Variants in SLC25A28 observed in about 807,000 individuals in gnomAD.
SLC25A28 encodes solute carrier family 25 member 28, also known as mitoferrin-2.
SLC25A28 carries 10 observed loss-of-function variants against 31.9 expected under a neutral mutation model. The ratio of observed to expected loss-of-function variants is 0.31; its 90% CI spans 0.19 to 0.53. The LOEUF is 0.53. Ranked by LOEUF, SLC25A28 falls within the 20% of genes least tolerant of loss-of-function variation. The pLI is 0.95. For missense variants in SLC25A28, 256 were observed against 490.3 expected (o/e 0.52, Z 4.51); for synonymous variants, 208 against 203.6 (o/e 1.02, Z -0.19).
At chr10:99,627,802 G>A in the SLC25A28 span, among the ~76,000 whole-genome samples, 1 of 152,022 alleles carries the variant, frequency 6.6e-6, no homozygotes, top group African/African-American at 2.4e-5. Flanking sequence ...ACCCTATTTT[G>A]CTATCAAACA....
chr10:99,643,216 G>A, the SLC25A28 span, among the ~76,000 whole-genome samples: 1 of 152,054 alleles, frequency 6.6e-6, no homozygotes, highest in Admixed American at 6.6e-5. Flanking sequence ...TTGGTTGGTA[G>A]GCTATTAATT....
intron 1 of SLC25A28, among the ~76,000 whole-genome samples, chr10:99,614,272 T>C (rs2034597673): frequency 6.6e-6 from 1 of 152,230 alleles, no homozygotes; most frequent in African/African-American, 2.4e-5. Flanking sequence ...CTGACAGTTC[T>C]TTACAAATGG....
At chr10:99,644,325 CTTCT>C in the SLC25A28 span, among the ~76,000 whole-genome samples, 13 of 148,758 alleles carry the variant, frequency 8.7e-5, no homozygotes, top group African/African-American at 3.2e-4. Flanking sequence ...ATGTAATGGC[CTTCT>C]TTGTCTCTTT....
chr10:99,658,188 GGTAATTAAGTAA>G, the SLC25A28 span, among the ~76,000 whole-genome samples: 1 of 152,112 alleles, frequency 6.6e-6, no homozygotes, highest in Non-Finnish European at 1.5e-5. Context: ...AGACCCTGTA[GGTAATTAAGTAA>G]GTAAGTAGTT....
upstream of SLC25A28, among the ~76,000 whole-genome samples, chr10:99,624,750 A>G (rs1383750660): frequency 2.0e-5 from 3 of 152,072 alleles, no homozygotes; most frequent in Non-Finnish European, 4.4e-5. Context: ...TGGGAGAATC[A>G]CTTGAACCCG....
At chr10:99,633,106 T>C in the SLC25A28 span, among the ~76,000 whole-genome samples, 2 of 152,126 alleles carry the variant, frequency 1.3e-5, no homozygotes, top group Admixed American at 6.5e-5. Flanking sequence ...TAGCCAGTTA[T>C]GAAGGCAGCA....
chr10:99,624,525 C>G (rs997544196), upstream of SLC25A28, among the ~76,000 whole-genome samples: 1 of 152,250 alleles, frequency 6.6e-6, no homozygotes, highest in African/African-American at 2.4e-5. Context: ...CAGCACTAAA[C>G]CTGCCTAAAA....
upstream of SLC25A28, chr10:99,620,545 G>A (rs1421576349): frequency 6.8e-6 from 7 of 1,030,342 alleles, no homozygotes; most frequent in Non-Finnish European, 8.1e-6. Flanking sequence ...AAAATCAGCC[G>A]GTAGTATTAG....
Position 99,613,766 on chromosome 10 carries a change from G to A in SLC25A28, c.450C>T (p.Ala150=), listed in dbSNP as rs1458666231. The change falls in exon 2 of 4, where the codon GCC becomes GCT. Residue 150 remains alanine, a synonymous_variant. Transcript: ENST00000370495. The surrounding 1 kb of genome is among the most constrained non-coding windows in gnomAD (Gnocchi z 4.9). Reference sequence around the variant, plus strand: ...ATGTCTTTTTTAACTTTTCGTAGCAGGCAAAATAAAGGGCGTGGGCAGGCC... The same window carrying A: ...ATGTCTTTTTTAACTTTTCGTAGCAAGCAAAATAAAGGGCGTGGGCAGGCC... ...GAGPAHALYF[A]CYEKLKKTLS... 1.2e-6 allele frequency: 2 copies of A among 1,614,230 alleles called. No individual in the cohort carries two copies. Among genetic ancestry groups the A allele is most frequent in the East Asian group, 4.5e-5 (2 of 44,878 alleles).
At chr10:99,631,989 C>T in the SLC25A28 span, among the ~76,000 whole-genome samples, 4 of 141,982 alleles carry the variant, frequency 2.8e-5, no homozygotes, top group Admixed American at 2.3e-4. Context: ...CTCCGCCTCC[C>T]GGGTTCACGC....
intron 1 of SLC25A28, chr10:99,615,953 C>CT (rs1163643076): frequency 1.6e-4 from 162 of 985,266 alleles, no homozygotes; most frequent in Non-Finnish European, 1.9e-4. Flanking sequence ...TGGGAAGCTA[C>CT]TTTGAACATT....
At chr10:99,637,778 C>T in the SLC25A28 span, among the ~76,000 whole-genome samples, 1 of 152,140 alleles carries the variant, frequency 6.6e-6, no homozygotes, top group Non-Finnish European at 1.5e-5. Context: ...CTACAAAACA[C>T]TGCTGAAATA....
the SLC25A28 span, among the ~76,000 whole-genome samples, chr10:99,644,689 G>A: frequency 6.6e-6 from 1 of 152,174 alleles, no homozygotes; most frequent in African/African-American, 2.4e-5. Flanking sequence ...GCAGTGGCTG[G>A]TACCAGTTGT....
In SLC25A28 at chr10:99,620,165, C is replaced by G. The variant is rs769648789; in HGVS notation, c.171G>C (p.Pro57=). 3 of 1,551,022 alleles carry G rather than the reference C, an allele frequency of 1.9e-6. No individual in the cohort carries two copies. In the South Asian group the frequency reaches 3.4e-5, roughly 18 times the overall value. Residue 57 remains proline, a synonymous_variant, in exon 1 of 4, where the codon CCG becomes CCC. Transcript: ENST00000370495. The stretch of plus-strand genomic sequence containing the variant: ...GCGCCTCGTAGTCCGGGCCGGAGTC[C>G]GGATCTTGTCGTACCGGGGGCCTGC... ...GACRPPVRQD[P]DSGPDYEALP...
Position 99,611,378 on chromosome 10 carries a change from A to G in SLC25A28, c.578-12T>C. The G allele has an allele frequency of 6.2e-7, 1 of 1,611,588 alleles. No individual in the cohort carries two copies. Among genetic ancestry groups the G allele is most frequent in the Non-Finnish European group, 8.5e-7 (1 of 1,178,208 alleles). ...CCTCTGCTTGACCACTAGTAGTGCC[A>G]TCAACGAGGAAGGAAATGGTGACAG... On this transcript the variant is annotated splice_polypyrimidine_tract_variant and intron_variant, in intron 3 of 3. Transcript: ENST00000370495. This position sits in a 1 kb window ranked among gnomAD's most constrained non-coding sequence, Gnocchi z 5.5.
At chr10:99,634,826 C>G in the SLC25A28 span, among the ~76,000 whole-genome samples, 2 of 152,282 alleles carry the variant, frequency 1.3e-5, no homozygotes, top group South Asian at 4.1e-4. Flanking sequence ...AGGATCCTTG[C>G]CTAGGCAACA....
upstream of SLC25A28, chr10:99,620,499 A>G (rs2034767288): frequency 2.9e-6 from 3 of 1,043,536 alleles, no homozygotes; most frequent in Non-Finnish European, 3.5e-6. Context: ...ATTGGTGGAG[A>G]CGCCAAGTTA....
At chr10:99,615,872 T>C (rs908417708) in intron 1 of SLC25A28, 8 of 985,320 alleles carry the variant, frequency 8.1e-6, no homozygotes, top group Non-Finnish European at 6.0e-6. Flanking sequence ...AATGGTGTAT[T>C]TGGCTACCAA....
chr10:99,612,447 C>T, intron 3 of SLC25A28, 96 bp downstream of exon 3: 2 of 1,422,340 alleles, frequency 1.4e-6, no homozygotes. Flanking sequence ...AACAAGGTAA[C>T]AGAATTTCCC....
Sources: gnomAD v4.1 joint callset for allele counts (sites outside exome capture counted in the v4.1 genomes callset) on GRCh38, gnomAD v4.1.1 for gene constraint, Gnocchi (gnomAD v3.1) non-coding constraint, MANE v1.5 for transcripts, NCBI Gene and HGNC (gene_info 2026-07-23, HGNC 2026-07-21) for gene names.